FBXO16: variants seen among roughly 807,000 people sequenced by gnomAD.
The protein encoded by FBXO16 is F-box protein 16.
In FBXO16, 31 loss-of-function variants were observed where a neutral mutation model predicts 41.0. The observed-to-expected ratio is 0.76, with a 90% CI of 0.57 to 1.02. The LOEUF is 1.02. Ranked by LOEUF, FBXO16 falls within the 50% of genes least tolerant of loss-of-function variation. The pLI is 0.00. For synonymous variants in FBXO16, 133 were observed against 117.8 expected (o/e 1.13, Z -0.84); for missense variants, 361 against 346.2 (o/e 1.04, Z -0.34).
At position 28,452,256 on chromosome 8, in the gene FBXO16, G is replaced by A. The variant is rs1338997755; in HGVS notation, c.728C>T (p.Thr243Ile). The stretch of plus-strand genomic sequence containing the variant: ...TGGAGCTTCTTACCCTTGCTGGACA[G>A]TCTCCATGGGGTCACGGTTGTCTAG... The part of the protein sequence containing the change: ...NYLDNRDPME[T>I]VQQGRRKRNQ... The change falls in exon 6 of 9, where the codon ACT (threonine) becomes ATT (isoleucine). Residue 243 changes from threonine (T) to isoleucine (I), a missense_variant. By Grantham distance (89) the Thr-to-Ile change is moderately conservative. Coordinates refer to ENST00000380254, the MANE Select transcript of FBXO16 (RefSeq NM_172366.4). The A allele has an allele frequency of 2.5e-6, 4 of 1,614,022 alleles. No homozygotes were observed. The South Asian group carries it at 4.4e-5, about 18-fold the overall frequency.
chr8:28,466,797 G>A (rs925027346), intron 3 of FBXO16, among the ~76,000 whole-genome samples: 1 of 152,214 alleles, frequency 6.6e-6, no homozygotes, highest in Non-Finnish European at 1.5e-5. Flanking sequence ...CCTCACAGAG[G>A]CAATGGTAGC....
At chr8:28,477,703 C>A (rs753655290) in intron 2 of FBXO16, among the ~76,000 whole-genome samples, 1 of 152,188 alleles carries the variant, frequency 6.6e-6, no homozygotes, top group Non-Finnish European at 1.5e-5. Flanking sequence ...TCCACCAACA[C>A]CCATATAACT....
intron 3 of FBXO16, among the ~76,000 whole-genome samples, chr8:28,467,436 T>C (rs1223640641): frequency 2.2e-4 from 34 of 152,312 alleles, no homozygotes. Flanking sequence ...GATAATTACA[T>C]CTACCTTGTA....
intron 7 of FBXO16, among the ~76,000 whole-genome samples, chr8:28,439,306 C>G (rs948883627): frequency 3.3e-5 from 5 of 152,104 alleles, no homozygotes; most frequent in African/African-American, 1.2e-4. Flanking sequence ...GTCTGTCTGA[C>G]TGCAAAGCCC....
intron 3 of FBXO16, among the ~76,000 whole-genome samples, chr8:28,469,604 T>C (rs144890501): frequency 1.1e-3 from 169 of 152,186 alleles, no homozygotes; most frequent in Non-Finnish European, 1.6e-3. Context: ...ATGTAGCAGT[T>C]TAAAAAATAA....
At chr8:28,449,117 C>G (rs1334598079) in intron 6 of FBXO16, 2 of 151,846 alleles carry the variant, frequency 1.3e-5, no homozygotes, top group Non-Finnish European at 2.9e-5. Context: ...GTACGGGGGA[C>G]AGAAGAACCT....
intron 5 of FBXO16, 22 bp downstream of exon 5, chr8:28,456,744 T>C: frequency 6.2e-7 from 1 of 1,611,182 alleles, no homozygotes; most frequent in Non-Finnish European, 8.5e-7. Flanking sequence ...TGCAAGCTTG[T>C]GGCTTTCTGT....
intron 1 of FBXO16, among the ~76,000 whole-genome samples, chr8:28,484,889 C>T (rs1056125806): frequency 6.6e-5 from 10 of 151,704 alleles, no homozygotes; most frequent in Middle Eastern, 3.5e-3. Context: ...CCACCGCGCC[C>T]GGCCAAGATG....
intron 1 of FBXO16, among the ~76,000 whole-genome samples, chr8:28,487,240 A>G (rs1343373506): frequency 6.6e-6 from 1 of 152,056 alleles, no homozygotes; most frequent in Non-Finnish European, 1.5e-5. Flanking sequence ...GGCCTGCTGA[A>G]GTGTGCCAAT....
intron 7 of FBXO16, among the ~76,000 whole-genome samples, chr8:28,434,807 C>T (rs1461332910): frequency 2.0e-5 from 3 of 152,248 alleles, no homozygotes; most frequent in Admixed American, 1.3e-4. Context: ...GGGACCCAGT[C>T]GGCCGCTCTA....
At chr8:28,451,708 C>T (rs1802955876) in intron 6 of FBXO16, among the ~76,000 whole-genome samples, 1 of 151,976 alleles carries the variant, frequency 6.6e-6, no homozygotes, top group Non-Finnish European at 1.5e-5. Context: ...AGAGGCCAGG[C>T]ACAGTTGCTC....
rs760254665 is a variant in FBXO16, at chr8:28,452,272, G to C, written c.712C>G (p.Arg238Gly). Residue 238 changes from arginine (R) to glycine (G), a missense_variant, in exon 6 of 9, where the codon CGT becomes GGT. By Grantham distance (125) the Arg-to-Gly change is moderately radical (BLOSUM62 -2). Coordinates refer to ENST00000380254, the MANE Select transcript of FBXO16 (RefSeq NM_172366.4). Reference sequence around the variant, plus strand: ...TGCTGGACAGTCTCCATGGGGTCACGGTTGTCTAGGTAATTAAAACGAATG... The same window carrying C: ...TGCTGGACAGTCTCCATGGGGTCACCGTTGTCTAGGTAATTAAAACGAATG... ...DIIRFNYLDN[R>G]DPMETVQQGR... 1.2e-6 allele frequency: 2 copies of C among 1,614,114 alleles called. No homozygotes were observed. The highest frequency in any genetic ancestry group is 2.2e-5 in the South Asian group (2 of 91,088).
intron 6 of FBXO16, among the ~76,000 whole-genome samples, chr8:28,449,921 G>A (rs374811680): frequency 4.1e-5 from 6 of 145,420 alleles, no homozygotes; most frequent in South Asian, 4.3e-4. Context: ...GCAGTGAGCC[G>A]AGATCATGCC....
Position 28,452,246 on chromosome 8 carries a change from T to C in FBXO16, c.738A>G (p.Gln246=). 6.2e-7 allele frequency: 1 copy of C among 1,613,582 alleles called. No individual in the cohort carries two copies. Among genetic ancestry groups the C allele is most frequent in the Non-Finnish European group, 8.5e-7 (1 of 1,179,494 alleles). Residue 246 remains glutamine (Q), a splice_region_variant and synonymous_variant, in exon 6 of 9, where the codon CAA becomes CAG. Transcript: ENST00000380254. ...GAGAAGAGCATGGAGCTTCTTACCC[T>C]TGCTGGACAGTCTCCATGGGGTCAC... ...DNRDPMETVQ[Q]GRRKRNQMTP... is the part of the protein sequence containing the mutation.
intron 2 of FBXO16, among the ~76,000 whole-genome samples, chr8:28,481,626 A>G (rs1184165322): frequency 6.6e-6 from 1 of 152,086 alleles, no homozygotes; most frequent in Non-Finnish European, 1.5e-5. Context: ...CCTGGCCAAC[A>G]TCGTGAAACC....
intron 7 of FBXO16, among the ~76,000 whole-genome samples, chr8:28,435,693 T>C (rs1802677463): frequency 6.6e-6 from 1 of 152,136 alleles, no homozygotes; most frequent in Non-Finnish European, 1.5e-5. Flanking sequence ...GGGCACAATG[T>C]TGTAGAAAAC....
At chr8:28,444,790 T>G (rs1235058110) in intron 7 of FBXO16, among the ~76,000 whole-genome samples, 7 of 132,772 alleles carry the variant, frequency 5.3e-5, no homozygotes. Flanking sequence ...TTTTTTTTTT[T>G]TTTTTTTTTT....
intron 7 of FBXO16, among the ~76,000 whole-genome samples, chr8:28,434,332 C>A (rs930751954): frequency 2.6e-5 from 4 of 152,170 alleles, no homozygotes; most frequent in African/African-American, 9.7e-5. Context: ...CTGATGCAAA[C>A]AACACCATTG....
At chr8:28,446,736 G>A (rs1802870312) in intron 7 of FBXO16, among the ~76,000 whole-genome samples, 1 of 151,866 alleles carries the variant, frequency 6.6e-6, no homozygotes, top group Non-Finnish European at 1.5e-5. Flanking sequence ...GCTGGGCATG[G>A]TGGTGGCACC....
Sources: allele counts gnomAD v4.1 joint callset (sites outside exome capture counted in the v4.1 genomes callset), GRCh38; gene constraint gnomAD v4.1.1; transcripts MANE v1.5; gene names NCBI Gene and HGNC (gene_info 2026-07-23, HGNC 2026-07-21).